The following CLSTN2 variants were observed in gnomAD, a reference collection of about 807,000 sequenced individuals.
CLSTN2 encodes the protein calsyntenin-2.
Under a neutral mutation model 101.2 loss-of-function variants are expected in CLSTN2, and 48 were observed. The ratio of observed to expected loss-of-function variants is 0.47; its 90% confidence interval spans 0.38 to 0.60. CLSTN2 has a LOEUF of 0.60. Among genes scored for constraint, CLSTN2 ranks in the 20% least tolerant of loss-of-function variants. The probability of loss-of-function intolerance (pLI) is 0.00; values close to 1 mark genes in which losing one functional copy is unlikely to be tolerated. For missense variants in CLSTN2, 1,160 were observed against 1,238.2 expected, an observed-to-expected ratio of 0.94 and a Z score of 0.95; for synonymous variants, 481 against 463.6, an observed-to-expected ratio of 1.04 and a Z score of -0.48.
At chr3:140,172,758 G>T (rs1161386401) in intron 1 of CLSTN2, among the ~76,000 whole-genome samples, 1 of 152,168 alleles carries the variant, frequency 6.6e-6, no homozygotes, top group Non-Finnish European at 1.5e-5. Flanking sequence ...AACAGGCAAA[G>T]AGAATGAGGA....
chr3:140,278,469 T>G (rs1426377797), intron 2 of CLSTN2, among the ~76,000 whole-genome samples: 1 of 152,182 alleles, frequency 6.6e-6, no homozygotes, highest in Non-Finnish European at 1.5e-5. Flanking sequence ...CTTCAGAATT[T>G]AGCCTTCCAG....
chr3:139,946,469 A>C (rs1196285629), intron 1 of CLSTN2, among the ~76,000 whole-genome samples: 1 of 151,944 alleles, frequency 6.6e-6, no homozygotes, highest in East Asian at 1.9e-4. Context: ...TCTTGCTGCT[A>C]CTCCACCTCT....
chr3:140,387,724 A>C (rs1019583758), intron 2 of CLSTN2, among the ~76,000 whole-genome samples: 5 of 152,264 alleles, frequency 3.3e-5, no homozygotes, highest in African/African-American at 1.2e-4. Context: ...TTAACTTCAA[A>C]TTAAAAGATA....
At chr3:140,063,428 G>T (rs972995977) in intron 1 of CLSTN2, among the ~76,000 whole-genome samples, 1 of 152,062 alleles carries the variant, frequency 6.6e-6, no homozygotes, top group Non-Finnish European at 1.5e-5. Context: ...GAGGAGTAAA[G>T]CTCCTGCTTT....
intron 2 of CLSTN2, among the ~76,000 whole-genome samples, chr3:140,277,289 C>A (rs185920499): frequency 1.3e-5 from 2 of 152,302 alleles, no homozygotes; most frequent in Admixed American, 6.5e-5. Context: ...GTCTGAGGAG[C>A]TGAGTTACTT....
chr3:140,395,106 T>C lies in CLSTN2; in HGVS notation c.233-8523T>C, dbSNP rs144552906. On this transcript the variant is annotated intron_variant, in intron 2 of 16. Coordinates refer to ENST00000458420, the MANE Select transcript of CLSTN2 (RefSeq NM_022131.3). ...CTTTATTTGCTTTTCAGAAACATAA[T>C]AACTGCTTTGTTAATCTTCCAAAAG... Among the ~76,000 whole-genome samples the C allele has an allele frequency of 4.7e-3, 719 of 152,306 alleles. 8 individuals are homozygous for C. Among genetic ancestry groups the C allele is most frequent in the African/African-American group, 0.017 (694 of 41,570 alleles).
chr3:140,154,801 C>A (rs530800798), intron 1 of CLSTN2, among the ~76,000 whole-genome samples: 2 of 152,090 alleles, frequency 1.3e-5, no homozygotes, highest in African/African-American at 2.4e-5. Context: ...CCCGCCACCA[C>A]GCCCAGCTAA....
Position 140,572,830 on chromosome 3 carries a change from A to G in CLSTN2, c.*6577A>G, listed in dbSNP as rs1271825873. ...ACTGACTATTAACTAACAAGGTAAA[A>G]TCAATGACTAGTGCAGTGAGGGTGC... On this transcript the variant is annotated 3_prime_UTR_variant, in exon 17 of 17. Coordinates refer to ENST00000458420, the MANE Select transcript of CLSTN2 (RefSeq NM_022131.3). 2 of 152,374 alleles carry G rather than the reference A, an allele frequency of 1.3e-5. No individual in the cohort carries two copies. Among genetic ancestry groups the G allele is most frequent in the Non-Finnish European group, 2.9e-5 (2 of 68,170 alleles). 9.4% of individuals were successfully genotyped at this position (152,374 alleles called of 1,614,324 possible).
At chr3:140,437,099 A>G (rs1484161148) in intron 5 of CLSTN2, among the ~76,000 whole-genome samples, 1 of 140,492 alleles carries the variant, frequency 7.1e-6, no homozygotes, top group Admixed American at 7.5e-5. Context: ...CCCAGGCTGG[A>G]GTGCAGTGGT....
At chr3:140,030,604 CT>C (rs1216842707) in intron 1 of CLSTN2, among the ~76,000 whole-genome samples, 1 of 152,166 alleles carries the variant, frequency 6.6e-6, no homozygotes, top group African/African-American at 2.4e-5. Flanking sequence ...CTTTTTACCA[CT>C]GAGGAAACAG....
intron 12 of CLSTN2, 59 bp from the exon 13 acceptor site, chr3:140,562,079 A>G (rs1935926430): frequency 6.6e-7 from 1 of 1,508,232 alleles, no homozygotes; most frequent in African/African-American, 1.4e-5. Flanking sequence ...GGTGATTAGC[A>G]AGGGCTGTTT....
rs540256333 is a variant in CLSTN2 at position 140,327,295 on chromosome 3, A to G, written c.233-76334A>G. 9.2e-5 allele frequency among the ~76,000 whole-genome samples: 14 copies of G among 152,350 alleles called. No homozygotes were observed. The South Asian group carries it at 2.9e-3, about 32-fold the overall frequency. ...ACAAATGCTCTTATTCCTCTTCACA[A>G]CATAGTCATTACCCTGTACTCCAGA... On this transcript the variant is annotated intron_variant, in intron 2 of 16. Coordinates refer to ENST00000458420, the MANE Select transcript of CLSTN2 (RefSeq NM_022131.3).
intron 1 of CLSTN2, 90 bp from the exon 2 acceptor site, chr3:140,175,861 A>T: frequency 1.6e-6 from 2 of 1,274,918 alleles, no homozygotes; most frequent in African/African-American, 3.0e-5. Flanking sequence ...AGAGTCTATG[A>T]TTGGGCAAAT....
intron 8 of CLSTN2, among the ~76,000 whole-genome samples, chr3:140,504,375 AAG>A (rs1934643690): frequency 6.6e-6 from 1 of 152,194 alleles, no homozygotes; most frequent in Non-Finnish European, 1.5e-5. Flanking sequence ...CAAAAAAAAA[AAG>A]GTGGTGCTCC....
intron 8 of CLSTN2, among the ~76,000 whole-genome samples, chr3:140,527,064 GA>G (rs1290180653): frequency 6.6e-6 from 1 of 152,040 alleles, no homozygotes; most frequent in Admixed American, 6.6e-5. Context: ...GCAATTGCAA[GA>G]AAAACAAAAA....
rs189481723 is a variant in CLSTN2, at chr3:140,134,864, A to G, written c.110-41087A>G. On this transcript the variant is annotated intron_variant, in intron 1 of 16. Coordinates refer to ENST00000458420, the MANE Select transcript of CLSTN2 (RefSeq NM_022131.3). ...CATCAAGAGCTTCAAAATACATGCA[A>G]CTACCCCCTAAATGATGGCTTGTGA... Among the ~76,000 whole-genome samples, 283 of 151,980 alleles carry G rather than the reference A, an allele frequency of 1.9e-3. 1 individual carries two copies. The highest frequency in any genetic ancestry group is 6.2e-3 in the African/African-American group (257 of 41,462).
At chr3:140,294,896 G>A (rs111338694) in intron 2 of CLSTN2, among the ~76,000 whole-genome samples, 14 of 152,228 alleles carry the variant, frequency 9.2e-5, no homozygotes, top group African/African-American at 2.9e-4. Flanking sequence ...TGGGGAGAAG[G>A]GGGTGGTAGA....
chr3:140,327,607 C>A (rs1241339725), intron 2 of CLSTN2, among the ~76,000 whole-genome samples: 2 of 152,204 alleles, frequency 1.3e-5, no homozygotes, highest in African/African-American at 2.4e-5. Flanking sequence ...TGGAGTCACA[C>A]AGCACTCCTT....
At chr3:140,024,819 A>G (rs541104521) in intron 1 of CLSTN2, among the ~76,000 whole-genome samples, 1 of 152,274 alleles carries the variant, frequency 6.6e-6, no homozygotes, top group East Asian at 1.9e-4. Flanking sequence ...GTGTTGTAGG[A>G]TTGTTTTGAG....
Sources: allele counts gnomAD v4.1 joint callset (sites outside exome capture counted in the v4.1 genomes callset), GRCh38; gene constraint gnomAD v4.1.1; transcripts MANE v1.5; gene names NCBI Gene and HGNC (gene_info 2026-07-23, HGNC 2026-07-21).